Variants in ENPP6 observed in about 807,000 individuals in gnomAD.
ENPP6 encodes the protein ectonucleotide pyrophosphatase/phosphodiesterase 6.
ENPP6 carries 32 observed loss-of-function variants against 42.0 expected under a neutral mutation model. That is an observed-to-expected ratio of 0.76 (90% CI 0.58 to 1.02). The LOEUF (loss-of-function observed/expected upper bound fraction) is 1.02, where lower values mean the gene tolerates loss of function less well. Among genes scored for constraint, ENPP6 ranks in the 50% least tolerant of loss-of-function variants. ENPP6 has a pLI of 0.00. For missense variants in ENPP6, 552 were observed against 566.8 expected, an observed-to-expected ratio of 0.97 and a Z score of 0.27; for synonymous variants, 213 against 216.0, an observed-to-expected ratio of 0.99 and a Z score of 0.12.
chr4:184,096,970 A>G (rs930158046), intron 7 of ENPP6, among the ~76,000 whole-genome samples: 1 of 152,208 alleles, frequency 6.6e-6, no homozygotes, highest in Non-Finnish European at 1.5e-5. Context: ...TTAGGTAAAA[A>G]ATGAATCACA....
chr4:184,112,495 G>C (rs549427911), intron 6 of ENPP6, 177 bp downstream of exon 6: 1 of 760,724 alleles, frequency 1.3e-6, no homozygotes, highest in African/African-American at 1.8e-5. Flanking sequence ...GTCTACAGTT[G>C]TGTCTACAAA....
intron 2 of ENPP6, among the ~76,000 whole-genome samples, chr4:184,134,386 T>A (rs1178019692): frequency 3.9e-5 from 6 of 152,210 alleles, no homozygotes; most frequent in Admixed American, 3.3e-4. Flanking sequence ...TGGGTTATTT[T>A]AGGAATGGTT....
intron 6 of ENPP6, among the ~76,000 whole-genome samples, chr4:184,110,853 G>A (rs570861939): frequency 2.0e-4 from 31 of 152,296 alleles, no homozygotes; most frequent in African/African-American, 2.9e-4. Context: ...GACCAAGAGC[G>A]TCTTAACGGA....
rs1553995036 is a variant in ENPP6 at position 184,113,924 on chromosome 4, T to TTTCTTTC, written c.856-1122_856-1116dup. Reference sequence around the variant, plus strand: ...TTTTCTTTCTTTCTTTCTTTCTTTCTTTCTTTCTTTCTTTCTTTCTTTCTT... The same window carrying TTTCTTTC: ...TTTTCTTTCTTTCTTTCTTTCTTTCTTTCTTTCTTCTTTCTTTCTTTCTTTCTTTCTT... On this transcript the variant is annotated intron_variant, in intron 5 of 7. Transcript: ENST00000296741. 1.4e-4 allele frequency among the ~76,000 whole-genome samples: 20 copies of TTTCTTTC among 140,462 alleles called. No homozygotes were observed. In the East Asian group the frequency reaches 3.9e-3, roughly 27 times the overall value. The allele number at this position is 140,462 out of a possible 152,430, so 92.1% of individuals were successfully genotyped here.
intron 5 of ENPP6, among the ~76,000 whole-genome samples, chr4:184,114,550 C>T (rs191067969): frequency 6.6e-6 from 1 of 152,202 alleles, no homozygotes; most frequent in Non-Finnish European, 1.5e-5. Flanking sequence ...CGACACACAG[C>T]AGGTCTCACA....
Position 184,097,483 on chromosome 4 carries a change from G to C in ENPP6, c.994-115C>G, listed in dbSNP as rs1735932158. 4.3e-5 allele frequency: 61 copies of C among 1,412,920 alleles called. No homozygotes were observed. In the South Asian group the frequency reaches 7.7e-4, roughly 18 times the overall value. 87.5% of individuals were successfully genotyped at this position (1,412,920 alleles called of 1,614,324 possible). A position where few individuals can be genotyped will look rare whatever the true frequency, so the allele number is the denominator to read the frequency against. On this transcript the variant is annotated intron_variant, in intron 6 of 7. Transcript: ENST00000296741. ...CGCTTTCCTCCTCTGCGCTCCGACTGACCCAGACTGACCCAACCTCCGCTG... is the reference window on the plus strand; with the variant it reads ...CGCTTTCCTCCTCTGCGCTCCGACTCACCCAGACTGACCCAACCTCCGCTG...
At chr4:184,197,575 A>T (rs1387582589) in intron 1 of ENPP6, among the ~76,000 whole-genome samples, 1 of 152,174 alleles carries the variant, frequency 6.6e-6, no homozygotes, top group Non-Finnish European at 1.5e-5. Context: ...CTGGTTCCGG[A>T]TCTGCATCTT....
At chr4:184,169,267 C>T (rs10031994) in intron 1 of ENPP6, among the ~76,000 whole-genome samples, 3,987 of 152,054 alleles carry the variant, frequency 0.026, 193 homozygotes, top group African/African-American at 0.092. Context: ...CCACAGTGAC[C>T]GTGGCTCCAG....
At position 184,097,311 on chromosome 4, in the gene ENPP6, G is replaced by A; in HGVS notation, c.1051C>T (p.Arg351Cys). ...NSTGRREGWQ[R>C]GWHGYDNELM... is the part of the protein sequence containing the mutation. ...TCGTTGTCGTAGCCGTGCCATCCACGCTGCCAACCTTCCCGCCTGCCGGTG... is the reference window on the plus strand; with the variant it reads ...TCGTTGTCGTAGCCGTGCCATCCACACTGCCAACCTTCCCGCCTGCCGGTG... Residue 351 changes from arginine to cysteine, a missense_variant, in exon 7 of 8, where the codon CGT (arginine) becomes TGT (cysteine). This residue lies in a region of ENPP6 where 545 missense variants were observed against 546.3 expected (regional missense o/e 1.00). Transcript: ENST00000296741. 1.2e-6 allele frequency: 2 copies of A among 1,614,164 alleles called. No homozygotes were observed. The highest frequency in any genetic ancestry group is 2.7e-5 in the African/African-American group (2 of 75,038).
chr4:184,112,589 A>G (rs996435535), intron 6 of ENPP6, 83 bp downstream of exon 6: 1 of 1,493,312 alleles, frequency 6.7e-7, no homozygotes, highest in African/African-American at 1.4e-5. Context: ...TTTATGTATA[A>G]AAACTTGAGT....
At chr4:184,187,840 A>G (rs1378005869) in intron 1 of ENPP6, among the ~76,000 whole-genome samples, 2 of 152,176 alleles carry the variant, frequency 1.3e-5, no homozygotes, top group Non-Finnish European at 2.9e-5. Context: ...ATAGAAGGTG[A>G]GAGATACTTC....
chr4:184,180,435 G>A (rs1213770713), intron 1 of ENPP6, among the ~76,000 whole-genome samples: 1 of 152,142 alleles, frequency 6.6e-6, no homozygotes, highest in Non-Finnish European at 1.5e-5. Flanking sequence ...GAGGAACAAG[G>A]AGGAGCTGGT....
chr4:184,163,997 G>A (rs182993438), intron 1 of ENPP6, among the ~76,000 whole-genome samples: 4 of 152,340 alleles, frequency 2.6e-5, no homozygotes, highest in Non-Finnish European at 5.9e-5. Flanking sequence ...AGGCCTCTGG[G>A]GCCACCCGCT....
intron 1 of ENPP6, among the ~76,000 whole-genome samples, chr4:184,207,757 C>T (rs1289983275): frequency 6.6e-6 from 1 of 152,222 alleles, no homozygotes; most frequent in African/African-American, 2.4e-5. Flanking sequence ...TCCCTATTCT[C>T]TGTGTATTCA....
intron 2 of ENPP6, among the ~76,000 whole-genome samples, chr4:184,127,193 C>T (rs1199402916): frequency 6.6e-6 from 1 of 151,852 alleles, no homozygotes; most frequent in East Asian, 1.9e-4. Context: ...GGACAAATGG[C>T]ATTATATAAT....
At chr4:184,215,882 T>C (rs899892141) in intron 1 of ENPP6, among the ~76,000 whole-genome samples, 1 of 152,154 alleles carries the variant, frequency 6.6e-6, no homozygotes, top group African/African-American at 2.4e-5. Context: ...AAAGAAGGTG[T>C]GTCTCAGCAT....
At chr4:184,098,975 G>A (rs1735955483) in intron 6 of ENPP6, among the ~76,000 whole-genome samples, 1 of 152,134 alleles carries the variant, frequency 6.6e-6, no homozygotes. Context: ...CTAGTATCAT[G>A]TGTTTAGTGA....
intron 6 of ENPP6, among the ~76,000 whole-genome samples, chr4:184,100,716 C>A (rs1480347478): frequency 6.6e-6 from 1 of 152,188 alleles, no homozygotes; most frequent in Non-Finnish European, 1.5e-5. Context: ...TCACTCCATG[C>A]AGGCAGAGAA....
At chr4:184,165,995 T>A (rs1438179819) in intron 1 of ENPP6, among the ~76,000 whole-genome samples, 1 of 152,250 alleles carries the variant, frequency 6.6e-6, no homozygotes, top group East Asian at 1.9e-4. Context: ...AACTACTTTA[T>A]ACCCAAGAGA....
Sources: gnomAD v4.1 joint callset for allele counts (sites outside exome capture counted in the v4.1 genomes callset) on GRCh38, gnomAD v4.1.1 for gene constraint, gnomAD v4.1.1 regional missense constraint, MANE v1.5 for transcripts, NCBI Gene and HGNC (gene_info 2026-07-23, HGNC 2026-07-21) for gene names.